WDR20: variants seen among roughly 807,000 people sequenced by gnomAD.
The protein encoded by WDR20 is WD repeat domain 20.
WDR20 carries 3 observed loss-of-function variants against 38.7 expected under a neutral mutation model. That is an observed-to-expected ratio of 0.08 (90% CI 0.04 to 0.20). WDR20 has a LOEUF of 0.20. Among genes scored for constraint, WDR20 ranks in the 10% least tolerant of loss-of-function variants. The probability of loss-of-function intolerance (pLI) is 1.00; values close to 1 mark genes in which losing one functional copy is unlikely to be tolerated. For synonymous variants in WDR20, 298 were observed against 285.6 expected, an observed-to-expected ratio of 1.04 and a Z score of -0.44; for missense variants, 559 against 727.7, an observed-to-expected ratio of 0.77 and a Z score of 2.67.
At chr14:102,165,338 T>C (rs1004773933) in intron 1 of WDR20, among the ~76,000 whole-genome samples, 4 of 152,232 alleles carry the variant, frequency 2.6e-5, no homozygotes, top group Admixed American at 6.5e-5. Flanking sequence ...AACAGACTTA[T>C]AAGAGTTTGT....
chr14:102,188,865 CCT>C (rs1447429456), intron 1 of WDR20, among the ~76,000 whole-genome samples: 1 of 124,864 alleles, frequency 8.0e-6, no homozygotes, highest in East Asian at 2.1e-4. Context: ...AGAGCGAGAC[CCT>C]GTTTCAAAAA....
At chr14:102,165,636 C>CTTTTTT (rs398026421) in intron 1 of WDR20, among the ~76,000 whole-genome samples, 6 of 129,376 alleles carry the variant, frequency 4.6e-5, no homozygotes, top group African/African-American at 5.7e-5. Context: ...CTTTTCTTTT[C>CTTTTTT]TTTTTTTTTT....
intron 1 of WDR20, among the ~76,000 whole-genome samples, chr14:102,154,391 A>G (rs1319908441): frequency 6.6e-6 from 1 of 152,142 alleles, no homozygotes; most frequent in African/African-American, 2.4e-5. Flanking sequence ...TGGAGGGGGA[A>G]GGCAGCTCTG....
intron 1 of WDR20, among the ~76,000 whole-genome samples, chr14:102,154,628 T>C (rs537304884): frequency 6.6e-6 from 1 of 152,352 alleles, no homozygotes; most frequent in African/African-American, 2.4e-5. Context: ...ATAAGCTTCC[T>C]GAGAGCATGA....
At chr14:102,189,929 G>T (rs995399089) in intron 1 of WDR20, among the ~76,000 whole-genome samples, 1 of 152,210 alleles carries the variant, frequency 6.6e-6, no homozygotes, top group Admixed American at 6.5e-5. Flanking sequence ...CACAAAGAAT[G>T]GTTGGGAAAA....
At chr14:102,202,431 G>A (rs1159677377) in intron 2 of WDR20, among the ~76,000 whole-genome samples, 1 of 128,496 alleles carries the variant, frequency 7.8e-6, no homozygotes, top group Non-Finnish European at 1.6e-5. Context: ...CCAGGCTGGA[G>A]TGCAGTGGTG....
rs573488903 is a variant in WDR20 at position 102,221,365 on chromosome 14, T to C, written c.1693-1465T>C. Among the ~76,000 whole-genome samples, 2 of 152,322 alleles carry C rather than the reference T, an allele frequency of 1.3e-5. No homozygotes were observed. The highest frequency in any genetic ancestry group is 6.5e-5 in the Admixed American group (1 of 15,300). ...CACATAGCTTGTGGAAAGCACTTTCTTAGGGTGCGCGTGGTGATGAAGGCA... is the reference window on the plus strand; with the variant it reads ...CACATAGCTTGTGGAAAGCACTTTCCTAGGGTGCGCGTGGTGATGAAGGCA... On this transcript the variant is annotated intron_variant, in intron 3 of 3. Transcript: ENST00000335263. The surrounding 1 kb of genome is among the most constrained non-coding windows in gnomAD (Gnocchi z 4.8).
At chr14:102,184,714 T>C (rs1293716424) in intron 1 of WDR20, among the ~76,000 whole-genome samples, 2 of 152,202 alleles carry the variant, frequency 1.3e-5, no homozygotes, top group African/African-American at 4.8e-5. Flanking sequence ...TCTCTTCTCA[T>C]TTTGGGATGA....
At chr14:102,147,872 AG>A (rs1239156516) in intron 1 of WDR20, among the ~76,000 whole-genome samples, 2 of 152,172 alleles carry the variant, frequency 1.3e-5, no homozygotes, top group African/African-American at 4.8e-5. Flanking sequence ...CTGGGATTAC[AG>A]GCACCTGCCA....
At chr14:102,216,415 T>G (rs1010863145), downstream of WDR20, among the ~76,000 whole-genome samples, 4 of 152,128 alleles carry the variant, frequency 2.6e-5, no homozygotes, top group Non-Finnish European at 4.4e-5. Context: ...TCTAGGCCTC[T>G]TGAGTAACTG....
At chr14:102,212,704 G>T (rs1567086826), downstream of WDR20, 3 of 1,488,324 alleles carry the variant, frequency 2.0e-6, no homozygotes, top group Non-Finnish European at 2.7e-6. Flanking sequence ...AGGGGTGGCC[G>T]CGGTGGTTCC....
At position 102,161,337 on chromosome 14, in the gene WDR20, A is replaced by G. The variant is rs1477605720; in HGVS notation, c.249+21165A>G. Among the ~76,000 whole-genome samples, 15 of 145,644 alleles carry G rather than the reference A, an allele frequency of 1.0e-4. No individual in the cohort carries two copies. The Admixed American group carries it at 1.0e-3, about 10-fold the overall frequency. On this transcript the variant is annotated intron_variant, in intron 1 of 2. Transcript: ENST00000342702. ...AGCTATTTTTTTTTTTTTTTAAGAC[A>G]GGATCTCTCTCTGTCACCCAGGCTG...
downstream of WDR20, among the ~76,000 whole-genome samples, chr14:102,211,700 A>C (rs2062559821): frequency 6.6e-6 from 1 of 152,164 alleles, no homozygotes; most frequent in South Asian, 2.1e-4. This position sits in a 1 kb window ranked among gnomAD's most constrained non-coding sequence, Gnocchi z 4.2. Flanking sequence ...TCCGCTTTGG[A>C]GGCCAAATTG....
chr14:102,186,653 T>C lies in WDR20; in HGVS notation c.250-8285T>C, dbSNP rs561669184. On this transcript the variant is annotated intron_variant, in intron 1 of 2. Transcript: ENST00000342702. ...ACTAGCAGCCCCAAGCCTGACTAGG[T>C]TAAAAGTTCCACCAAGGGCCGGGCG... 9.9e-5 allele frequency among the ~76,000 whole-genome samples: 15 copies of C among 151,964 alleles called. No homozygotes were observed. The South Asian group carries it at 2.9e-3, about 30-fold the overall frequency.
In WDR20 at chr14:102,210,135, G is replaced by A. The variant is rs905164322; in HGVS notation, c.*255G>A. ...CTCCTGGGAGTATATAGAGTCCCAA[G>A]GTTAGCGCTCCTGTATTAGACTATT... On this transcript the variant is annotated 3_prime_UTR_variant, in exon 3 of 3. Transcript: ENST00000342702. 41 of 1,210,708 alleles carry A rather than the reference G, an allele frequency of 3.4e-5. 1 individual carries two copies. In the African/African-American group the frequency reaches 5.8e-4, roughly 17 times the overall value. 75.0% of individuals were successfully genotyped at this position (1,210,708 alleles called of 1,614,324 possible). A position where few individuals can be genotyped will look rare whatever the true frequency, so the allele number is the denominator to read the frequency against.
In WDR20 at chr14:102,222,769, G is replaced by A. The variant is rs1270566642; in HGVS notation, c.1693-61G>A. ...ACGTGGAGCTGCTGGCGGAGGGCGC[G>A]CATGGTGGCTGTTGCCCGTCCGGTG... On this transcript the variant is annotated intron_variant, in intron 3 of 3. Transcript: ENST00000335263. The surrounding 1 kb of genome is among the most constrained non-coding windows in gnomAD (Gnocchi z 4.4). 17 of 1,590,954 alleles carry A rather than the reference G, an allele frequency of 1.1e-5. No individual in the cohort carries two copies. The highest frequency in any genetic ancestry group is 1.7e-5 in the Admixed American group (1 of 59,858).
chr14:102,152,636 A>G (rs1334192044), intron 1 of WDR20, among the ~76,000 whole-genome samples: 1 of 152,006 alleles, frequency 6.6e-6, no homozygotes, highest in African/African-American at 2.4e-5. Context: ...GATGGCCTGG[A>G]TCTCTTGCCC....
intron 1 of WDR20, among the ~76,000 whole-genome samples, chr14:102,156,730 C>G (rs752380268): frequency 4.6e-5 from 7 of 151,964 alleles, no homozygotes; most frequent in Non-Finnish European, 7.4e-5. Context: ...GGTGCGGTGG[C>G]TCATGCCTGT....
At chr14:102,178,407 A>C (rs560403586) in intron 1 of WDR20, among the ~76,000 whole-genome samples, 68 of 136,866 alleles carry the variant, frequency 5.0e-4, no homozygotes, top group African/African-American at 1.6e-3. Context: ...AAAAAAAAAA[A>C]TTGTTTGGCG....
Sources: gnomAD v4.1 joint callset for allele counts (sites outside exome capture counted in the v4.1 genomes callset) on GRCh38, gnomAD v4.1.1 for gene constraint, Gnocchi (gnomAD v3.1) non-coding constraint, MANE v1.5 for transcripts, NCBI Gene and HGNC (gene_info 2026-07-23, HGNC 2026-07-21) for gene names.